The following LRRC4C variants were observed in gnomAD, a reference collection of about 807,000 sequenced individuals.
The protein encoded by LRRC4C is leucine rich repeat containing 4C.
In LRRC4C, 5 loss-of-function variants were observed where a neutral mutation model predicts 33.6. The ratio of observed to expected loss-of-function variants is 0.15; its 90% CI spans 0.08 to 0.31. The LOEUF is 0.31. Among genes scored for constraint, LRRC4C ranks in the 10% least tolerant of loss-of-function variants. LRRC4C has a pLI of 1.00. For missense variants in LRRC4C, 560 were observed against 796.7 expected (o/e 0.70, Z 3.58); for synonymous variants, 329 against 302.0 (o/e 1.09, Z -0.93).
chr11:40,284,300 G>C (rs539940449), intron 4 of LRRC4C, among the ~76,000 whole-genome samples: 41 of 152,284 alleles, frequency 2.7e-4, no homozygotes, highest in Admixed American at 8.5e-4. Context: ...AGATGGGAGA[G>C]GGCATGAATA....
intron 1 of LRRC4C, among the ~76,000 whole-genome samples, chr11:40,958,001 G>A (rs1412405378): frequency 4.0e-5 from 6 of 151,544 alleles, no homozygotes; most frequent in African/African-American, 1.5e-4. Flanking sequence ...AAGGGTGGAG[G>A]CTTCATGATT....
intron 1 of LRRC4C, among the ~76,000 whole-genome samples, chr11:40,974,145 G>GGTA (rs777823235): frequency 4.6e-5 from 7 of 152,114 alleles, no homozygotes; most frequent in Non-Finnish European, 7.4e-5. Context: ...AGTATTACAG[G>GGTA]GTAATTTGAG....
At chr11:41,367,992 C>T (rs1450986154) in intron 1 of LRRC4C, among the ~76,000 whole-genome samples, 2 of 152,108 alleles carry the variant, frequency 1.3e-5, no homozygotes, top group Non-Finnish European at 2.9e-5. Flanking sequence ...TAGATTGTAG[C>T]CAAAATGTAC....
chr11:41,024,847 C>CT (rs917685361), intron 1 of LRRC4C, among the ~76,000 whole-genome samples: 3 of 151,406 alleles, frequency 2.0e-5, no homozygotes, highest in Non-Finnish European at 4.4e-5. Context: ...ATTGGTGCCA[C>CT]TTTTTTTTCA....
chr11:40,887,893 A>G (rs1416316745), intron 2 of LRRC4C, among the ~76,000 whole-genome samples: 3 of 151,964 alleles, frequency 2.0e-5, no homozygotes, highest in Non-Finnish European at 4.4e-5. Flanking sequence ...TTAACATTAT[A>G]ATGGAAATCA....
intron 1 of LRRC4C, among the ~76,000 whole-genome samples, chr11:41,130,701 G>A (rs1252169163): frequency 1.3e-5 from 2 of 151,806 alleles, no homozygotes; most frequent in Non-Finnish European, 1.5e-5. Context: ...AGAAAGCTTA[G>A]GCCATTTTTT....
At chr11:40,279,926 A>C (rs2136433576) in intron 4 of LRRC4C, among the ~76,000 whole-genome samples, 1 of 152,298 alleles carries the variant, frequency 6.6e-6, no homozygotes. Context: ...GAATCTGAGA[A>C]AAAGTAAAGT....
chr11:40,603,368 C>T (rs1261104133), intron 3 of LRRC4C, among the ~76,000 whole-genome samples: 1 of 152,198 alleles, frequency 6.6e-6, no homozygotes, highest in Non-Finnish European at 1.5e-5. Context: ...TCCTGTGCTT[C>T]AGTCATATCT....
At chr11:40,382,684 A>ATAT (rs1491238163) in intron 3 of LRRC4C, among the ~76,000 whole-genome samples, 28 of 65,550 alleles carry the variant, frequency 4.3e-4, no homozygotes, top group African/African-American at 1.8e-3. Flanking sequence ...ACTTGTACTC[A>ATAT]TTTTTTTTTT....
intron 1 of LRRC4C, among the ~76,000 whole-genome samples, chr11:41,393,068 T>G (rs1306888036): frequency 6.6e-6 from 1 of 151,900 alleles, no homozygotes; most frequent in African/African-American, 2.4e-5. Context: ...ATATAATGAT[T>G]GTAAAGTCAC....
At chr11:40,974,917 T>A (rs960091410) in intron 1 of LRRC4C, among the ~76,000 whole-genome samples, 1 of 152,180 alleles carries the variant, frequency 6.6e-6, no homozygotes, top group African/African-American at 2.4e-5. Context: ...AGCAGCCTCC[T>A]GGGTTATCAA....
chr11:40,776,914 G>T (rs887647747), intron 2 of LRRC4C, among the ~76,000 whole-genome samples: 3 of 152,028 alleles, frequency 2.0e-5, no homozygotes, highest in Admixed American at 2.0e-4. Flanking sequence ...CAAATATTTT[G>T]ATATGCTATG....
At chr11:40,285,933 A>G (rs960532244) in intron 4 of LRRC4C, among the ~76,000 whole-genome samples, 8 of 152,152 alleles carry the variant, frequency 5.3e-5, no homozygotes, top group Non-Finnish European at 1.0e-4. Context: ...CAAATCACTT[A>G]GCCTCTTTGT....
At chr11:40,122,954 C>T (rs1344445787) in intron 6 of LRRC4C, among the ~76,000 whole-genome samples, 1 of 125,174 alleles carries the variant, frequency 8.0e-6, no homozygotes, top group African/African-American at 3.2e-5. Flanking sequence ...TATATTTATA[C>T]ACACACACAC....
chr11:41,268,586 G>A (rs1345527274), intron 1 of LRRC4C, among the ~76,000 whole-genome samples: 1 of 151,956 alleles, frequency 6.6e-6, no homozygotes, highest in African/African-American at 2.4e-5. Context: ...TTAATTCACA[G>A]CACTTTTTTT....
intron 2 of LRRC4C, among the ~76,000 whole-genome samples, chr11:40,736,455 AC>A (rs1947872000): frequency 6.6e-6 from 1 of 152,086 alleles, no homozygotes; most frequent in South Asian, 2.1e-4. Context: ...GCTATTGTGA[AC>A]AGTGCTGCAA....
chr11:40,748,078 T>G (rs1427821693), intron 2 of LRRC4C, among the ~76,000 whole-genome samples: 2 of 152,038 alleles, frequency 1.3e-5, no homozygotes, highest in Admixed American at 6.6e-5. Flanking sequence ...ACAAATAAAA[T>G]GCAAAAGGTC....
At chr11:41,365,768 G>A (rs1952512227) in intron 1 of LRRC4C, among the ~76,000 whole-genome samples, 1 of 152,130 alleles carries the variant, frequency 6.6e-6, no homozygotes, top group Admixed American at 6.6e-5. Flanking sequence ...AGAACAATGT[G>A]TGAGTTAATA....
chr11:41,294,932 G>A (rs1950095284), intron 1 of LRRC4C, among the ~76,000 whole-genome samples: 1 of 152,148 alleles, frequency 6.6e-6, no homozygotes, highest in Non-Finnish European at 1.5e-5. Flanking sequence ...TTATAACAAT[G>A]AGTTTTGCCC....
Sources: allele counts gnomAD v4.1 joint callset (sites outside exome capture counted in the v4.1 genomes callset), GRCh38; gene constraint gnomAD v4.1.1; transcripts MANE v1.5; gene names NCBI Gene and HGNC (gene_info 2026-07-23, HGNC 2026-07-21).